Variants in GRAMD1B observed in about 807,000 individuals in gnomAD.
GRAMD1B encodes protein Aster-B.
GRAMD1B carries 37 observed loss-of-function variants against 99.7 expected under a neutral mutation model. The ratio of observed to expected loss-of-function variants is 0.37; its 90% CI spans 0.29 to 0.49. The LOEUF is 0.49. GRAMD1B is among the 20% of genes least tolerant of loss of function. The probability of loss-of-function intolerance (pLI) is 0.98; values close to 1 mark genes in which losing one functional copy is unlikely to be tolerated. For synonymous variants in GRAMD1B, 427 were observed against 387.6 expected (o/e 1.10, Z -1.19); for missense variants, 888 against 1,009.2 (o/e 0.88, Z 1.63).
At chr11:123,444,586 T>A (rs1949553922) in intron 1 of GRAMD1B, among the ~76,000 whole-genome samples, 1 of 152,032 alleles carries the variant, frequency 6.6e-6, no homozygotes, top group African/African-American at 2.4e-5. Flanking sequence ...ATGGCCCGAA[T>A]TAGTTTTTTT....
intron 1 of GRAMD1B, among the ~76,000 whole-genome samples, chr11:123,409,138 G>T (rs930098679): frequency 6.6e-6 from 1 of 152,122 alleles, no homozygotes; most frequent in African/African-American, 2.4e-5. Context: ...GATTCTCAAC[G>T]CAGTTCTTTG....
intron 1 of GRAMD1B, among the ~76,000 whole-genome samples, chr11:123,470,577 G>T (rs1185972876): frequency 6.9e-6 from 1 of 144,682 alleles, no homozygotes; most frequent in Admixed American, 7.3e-5. Flanking sequence ...GCAGTGGCAC[G>T]ATCTCGGCTT....
At chr11:123,369,266 A>T (rs1172073925) in intron 1 of GRAMD1B, among the ~76,000 whole-genome samples, 1 of 152,184 alleles carries the variant, frequency 6.6e-6, no homozygotes, top group Non-Finnish European at 1.5e-5. Flanking sequence ...ACACCATTGC[A>T]CTCCAGCCTA....
intron 2 of GRAMD1B, among the ~76,000 whole-genome samples, chr11:123,533,437 A>T (rs893151305): frequency 4.7e-5 from 7 of 149,150 alleles, no homozygotes; most frequent in Admixed American, 3.3e-4. Context: ...ATTTTATTTT[A>T]TTTTTTTAAG....
chr11:123,433,716 TTGTG>T (rs1949020589), intron 1 of GRAMD1B, among the ~76,000 whole-genome samples: 1 of 144,158 alleles, frequency 6.9e-6, no homozygotes, highest in Non-Finnish European at 1.5e-5. Context: ...GTGTGTGTCT[TTGTG>T]TGTATGAAGA....
At chr11:123,619,073 C>T in intron 18 of GRAMD1B, 34 bp from the exon 19 acceptor site, 1 of 1,206,400 alleles carries the variant, frequency 8.3e-7, no homozygotes, top group Non-Finnish European at 1.2e-6. Flanking sequence ...AGCATAACTC[C>T]AGCTGCTGGG....
chr11:123,367,123 A>G (rs1485018394), intron 1 of GRAMD1B, among the ~76,000 whole-genome samples: 2 of 152,184 alleles, frequency 1.3e-5, no homozygotes, highest in Non-Finnish European at 2.9e-5. Flanking sequence ...GGATCACTTT[A>G]GCCCAAGAGT....
Position 123,587,078 on chromosome 11 carries a change from C to G in GRAMD1B, c.684+2746C>G, listed in dbSNP as rs967318873. On this transcript the variant is annotated intron_variant, in intron 4 of 19. Coordinates refer to ENST00000635736, the MANE Select transcript of GRAMD1B (RefSeq NM_001387025.1). The surrounding 1 kb of genome is among the most constrained non-coding windows in gnomAD (Gnocchi z 4.2). The stretch of plus-strand genomic sequence containing the variant: ...GGGTCTGGTGGGAAAAGCCCAGCCA[C>G]CAACCAGTCCATGCCCCAGCCTCCC... Among the ~76,000 whole-genome samples, 2 of 152,224 alleles carry G rather than the reference C, an allele frequency of 1.3e-5. No homozygotes were observed. The highest frequency in any genetic ancestry group is 4.8e-5 in the African/African-American group (2 of 41,466).
At chr11:123,485,189 C>T (rs184112636) in intron 2 of GRAMD1B, among the ~76,000 whole-genome samples, 110 of 152,244 alleles carry the variant, frequency 7.2e-4, no homozygotes, top group African/African-American at 2.5e-3. Context: ...CAAACCATAT[C>T]ATCAATTGTA....
intron 4 of GRAMD1B, among the ~76,000 whole-genome samples, chr11:123,589,756 C>G (rs934210850): frequency 1.3e-5 from 2 of 151,898 alleles, no homozygotes; most frequent in African/African-American, 4.8e-5. Flanking sequence ...GCCACTGTGC[C>G]CAGCCTGGAA....
At position 123,438,405 on chromosome 11, in the gene GRAMD1B, C is replaced by T. The variant is rs145102044; in HGVS notation, c.374+7239C>T. Among the ~76,000 whole-genome samples the T allele has an allele frequency of 4.6e-5, 7 of 152,110 alleles. No homozygotes were observed. The East Asian group carries it at 1.4e-3, about 30-fold the overall frequency. On this transcript the variant is annotated intron_variant, in intron 1 of 19. Transcript: ENST00000635736. ...ACTTGTAGATGTGGAGGGGGAGGTC[C>T]TGAAGCAAGGTAGGAATGTGGACAG...
At chr11:123,552,279 T>C (rs926575105) in intron 2 of GRAMD1B, among the ~76,000 whole-genome samples, 1 of 150,192 alleles carries the variant, frequency 6.7e-6, no homozygotes, top group Non-Finnish European at 1.5e-5. Context: ...CTTTCTTTTT[T>C]TTTTTTTTTT....
chr11:123,431,206 G>A (rs1277976069), intron 1 of GRAMD1B, 40 bp downstream of exon 1: 2 of 674,564 alleles, frequency 3.0e-6, no homozygotes, highest in South Asian at 1.6e-5. Context: ...CTTCCCTCCC[G>A]TCCTCTCCAG....
chr11:123,471,887 T>G (rs888327278), intron 1 of GRAMD1B, among the ~76,000 whole-genome samples: 6 of 152,220 alleles, frequency 3.9e-5, no homozygotes. Flanking sequence ...ATAGTAAAGC[T>G]CCTGAATTTA....
At chr11:123,561,971 T>C (rs1239150096) in intron 2 of GRAMD1B, among the ~76,000 whole-genome samples, 1 of 152,254 alleles carries the variant, frequency 6.6e-6, no homozygotes. Flanking sequence ...AATCAGCTAG[T>C]CCGGTTACCT....
At chr11:123,422,385 C>T (rs1591488360) in intron 1 of GRAMD1B, among the ~76,000 whole-genome samples, 1 of 152,166 alleles carries the variant, frequency 6.6e-6, no homozygotes, top group East Asian at 1.9e-4. Flanking sequence ...TCTCAAGGTA[C>T]AGTAGGAATG....
chr11:123,622,412 C>T (rs1955237001), intron 19 of GRAMD1B, 94 bp from the exon 20 acceptor site: 2 of 759,888 alleles, frequency 2.6e-6, no homozygotes, highest in Admixed American at 2.0e-5. Context: ...TGGTTGGAGG[C>T]CTGCCCTAGG....
rs551102616 is a variant in GRAMD1B, at chr11:123,572,908, G to A, written c.453-4459G>A. On this transcript the variant is annotated intron_variant, in intron 2 of 19. Coordinates refer to ENST00000635736, the MANE Select transcript of GRAMD1B (RefSeq NM_001387025.1). Reference sequence around the variant, plus strand: ...TGGGACAGGGGCGCAGGTAGACCCCGATGGCTGAGGCAGAGGCACAAAGAG... The same window carrying A: ...TGGGACAGGGGCGCAGGTAGACCCCAATGGCTGAGGCAGAGGCACAAAGAG... Among the ~76,000 whole-genome samples the A allele has an allele frequency of 1.1e-4, 16 of 150,466 alleles. No individual in the cohort carries two copies. The East Asian group carries it at 2.6e-3, about 24-fold the overall frequency.
intron 1 of GRAMD1B, among the ~76,000 whole-genome samples, chr11:123,456,911 C>G (rs1467984468): frequency 8.1e-6 from 1 of 123,578 alleles, no homozygotes. Flanking sequence ...CAGAGGGAGA[C>G]TCTGTCTCAA....
Sources: allele counts gnomAD v4.1 joint callset (sites outside exome capture counted in the v4.1 genomes callset), GRCh38; gene constraint gnomAD v4.1.1; non-coding constraint Gnocchi (gnomAD v3.1); transcripts MANE v1.5; gene names NCBI Gene and HGNC (gene_info 2026-07-23, HGNC 2026-07-21).